Variants in KIF13B observed in about 807,000 individuals in gnomAD.
KIF13B encodes kinesin family member 13B.
KIF13B carries 127 observed loss-of-function variants against 222.0 expected under a neutral mutation model. The ratio of observed to expected loss-of-function variants is 0.57; its 90% confidence interval spans 0.50 to 0.66. The LOEUF (loss-of-function observed/expected upper bound fraction) is 0.66, where lower values mean the gene tolerates loss of function less well. Among genes scored for constraint, KIF13B ranks in the 30% least tolerant of loss-of-function variants. KIF13B has a pLI of 0.00. For synonymous variants in KIF13B, 976 were observed against 919.0 expected (o/e 1.06, Z -1.12); for missense variants, 2,173 against 2,379.0 (o/e 0.91, Z 1.80).
chr8:29,235,899 G>T (rs1002076170), intron 2 of KIF13B, among the ~76,000 whole-genome samples: 3 of 152,160 alleles, frequency 2.0e-5, no homozygotes, highest in Non-Finnish European at 4.4e-5. Context: ...AGAATGAAAA[G>T]GAATGCTAGA....
At chr8:29,072,555 G>A (rs576729857) in intron 38 of KIF13B, among the ~76,000 whole-genome samples, 7 of 152,290 alleles carry the variant, frequency 4.6e-5, no homozygotes, top group African/African-American at 9.6e-5. Flanking sequence ...GCTGGGACCC[G>A]GCCAGGCCCT....
intron 37 of KIF13B, among the ~76,000 whole-genome samples, chr8:29,084,171 C>A (rs939399498): frequency 1.3e-5 from 2 of 152,216 alleles, no homozygotes; most frequent in Non-Finnish European, 2.9e-5. Context: ...CCACCTCGGC[C>A]TCCCAAAGTG....
chr8:29,194,076 C>T (rs936750026), intron 3 of KIF13B, among the ~76,000 whole-genome samples: 7 of 151,712 alleles, frequency 4.6e-5, no homozygotes, highest in African/African-American at 1.2e-4. Flanking sequence ...CGCTGGCCTC[C>T]GCCTCCCAAA....
chr8:29,103,368 G>A (rs768579549), intron 35 of KIF13B, among the ~76,000 whole-genome samples: 4 of 151,772 alleles, frequency 2.6e-5, no homozygotes, highest in Non-Finnish European at 4.4e-5. Flanking sequence ...CCAACGACAC[G>A]CCGAAATTCA....
intron 9 of KIF13B, among the ~76,000 whole-genome samples, chr8:29,176,571 T>C (rs926256320): frequency 1.3e-5 from 2 of 152,194 alleles, no homozygotes; most frequent in African/African-American, 4.8e-5. Flanking sequence ...CTCCATTTGG[T>C]TTCTTTATGA....
chr8:29,165,759 G>A lies in KIF13B; in HGVS notation c.1172C>T (p.Pro391Leu). 6.2e-7 allele frequency: 1 copy of A among 1,612,726 alleles called. No individual in the cohort carries two copies. The highest frequency in any genetic ancestry group is 8.5e-7 in the Non-Finnish European group (1 of 1,178,784). Residue 391 changes from proline to leucine, a missense_variant, in exon 12 of 40, where the codon CCA (proline) becomes CTA (leucine). This residue lies in a region of KIF13B where 1,480 missense variants were observed against 1,722.8 expected (regional missense o/e 0.86). Transcript: ENST00000524189. ...TTCTTCCAGCCGGTCCTTTAGCTCT[G>A]GAGATTTCATTGCCTACAAGCAAAA... ...QLTKAEAMKS[P>L]ELKDRLEESE...
intron 36 of KIF13B, among the ~76,000 whole-genome samples, chr8:29,095,180 A>C (rs1808467912): frequency 6.6e-6 from 1 of 152,230 alleles, no homozygotes; most frequent in African/African-American, 2.4e-5. Context: ...TAAGAAAATG[A>C]TAACTAAGCA....
At chr8:29,082,596 A>T (rs1294093582) in intron 37 of KIF13B, among the ~76,000 whole-genome samples, 2 of 152,170 alleles carry the variant, frequency 1.3e-5, no homozygotes, top group East Asian at 3.8e-4. Context: ...CTATGATCAC[A>T]TCACTGCACT....
At chr8:29,094,245 G>T (rs1808422576) in intron 36 of KIF13B, among the ~76,000 whole-genome samples, 1 of 152,076 alleles carries the variant, frequency 6.6e-6, no homozygotes, top group Non-Finnish European at 1.5e-5. Context: ...GCAATACAGG[G>T]GACAGAATTG....
chr8:29,117,901 T>A lies in KIF13B; in HGVS notation c.3661-894A>T, dbSNP rs140161281. On this transcript the variant is annotated intron_variant, in intron 30 of 39. Transcript: ENST00000524189. ...GGCCAGGCGCGGTGGCTCATGTCTG[T>A]CATCCCAGCACTTTGCGAAGCCAAG... Among the ~76,000 whole-genome samples, 180 of 152,330 alleles carry A rather than the reference T, an allele frequency of 1.2e-3. 1 individual carries two copies. The East Asian group carries it at 0.029, about 25-fold the overall frequency.
chr8:29,244,531 A>G (rs1020757551), intron 2 of KIF13B, among the ~76,000 whole-genome samples: 3 of 152,174 alleles, frequency 2.0e-5, no homozygotes, highest in Non-Finnish European at 2.9e-5. Context: ...CATTCTCTAC[A>G]TTGCCAATCA....
At chr8:29,131,611 C>T (rs1810348025) in intron 23 of KIF13B, among the ~76,000 whole-genome samples, 1 of 152,126 alleles carries the variant, frequency 6.6e-6, no homozygotes, top group African/African-American at 2.4e-5. Flanking sequence ...CTTTTAAGTC[C>T]ACAAAGAAGC....
Position 29,180,126 on chromosome 8 carries a change from G to T in KIF13B, c.698C>A (p.Thr233Asn), listed in dbSNP as rs554021855. ...HAVFKITLTH[T>N]LYDVKSGTSG... ...TACCCCAGACTTCACATCGTAGAGA[G>T]TATGTGTGAGGGTGATTTTGAAAAC... is the stretch of plus-strand genomic sequence containing the variant. Residue 233 changes from threonine to asparagine, a missense_variant, in exon 8 of 40, where the codon ACT (threonine) becomes AAT (asparagine). Coordinates refer to ENST00000524189, the MANE Select transcript of KIF13B (RefSeq NM_015254.4). 1 of 1,613,990 alleles carries T rather than the reference G, an allele frequency of 6.2e-7. No homozygotes were observed. Among genetic ancestry groups the T allele is most frequent in the Non-Finnish European group, 8.5e-7 (1 of 1,179,874 alleles).
chr8:29,222,034 T>C (rs1031222223), intron 2 of KIF13B, among the ~76,000 whole-genome samples: 8 of 152,152 alleles, frequency 5.3e-5, no homozygotes, highest in African/African-American at 1.9e-4. Flanking sequence ...TTAACCACTC[T>C]ATCACTGTTT....
intron 2 of KIF13B, among the ~76,000 whole-genome samples, chr8:29,236,151 C>CATTT (rs1815497300): frequency 6.6e-6 from 1 of 152,158 alleles, no homozygotes; most frequent in South Asian, 2.1e-4. Flanking sequence ...GATAATTGGG[C>CATTT]ATTTAAACAC....
chr8:29,203,591 C>A (rs544035866), intron 2 of KIF13B, among the ~76,000 whole-genome samples: 1 of 152,090 alleles, frequency 6.6e-6, no homozygotes, highest in Non-Finnish European at 1.5e-5. Flanking sequence ...CTGAAACACA[C>A]GACATTAAGA....
intron 35 of KIF13B, among the ~76,000 whole-genome samples, chr8:29,107,631 C>T (rs1809141778): frequency 1.3e-5 from 2 of 149,728 alleles, no homozygotes; most frequent in South Asian, 4.2e-4. Context: ...GCGATTTTGG[C>T]TCACTGCAGG....
chr8:29,152,555 G>A (rs1811344271), intron 14 of KIF13B, among the ~76,000 whole-genome samples: 1 of 152,160 alleles, frequency 6.6e-6, no homozygotes, highest in Non-Finnish European at 1.5e-5. Context: ...TCCTGCAGCA[G>A]AAAGGCTACC....
At chr8:29,110,156 G>A (rs941503737) in intron 32 of KIF13B, 86 bp from the exon 33 acceptor site, 20 of 1,159,022 alleles carry the variant, frequency 1.7e-5, no homozygotes, top group East Asian at 2.6e-5. Flanking sequence ...CACACAGAAC[G>A]TATTCCAAAA....
Sources: gnomAD v4.1 joint callset for allele counts (sites outside exome capture counted in the v4.1 genomes callset) on GRCh38, gnomAD v4.1.1 for gene constraint, gnomAD v4.1.1 regional missense constraint, MANE v1.5 for transcripts, NCBI Gene and HGNC (gene_info 2026-07-23, HGNC 2026-07-21) for gene names.